Variants in EYA2 observed in about 807,000 individuals in gnomAD.
EYA2 encodes the protein protein phosphatase EYA2.
Under a neutral mutation model 69.2 loss-of-function variants are expected in EYA2, and 31 were observed. The ratio of observed to expected loss-of-function variants is 0.45; its 90% CI spans 0.34 to 0.60. The LOEUF is 0.60. EYA2 is among the 20% of genes least tolerant of loss of function. EYA2 has a pLI of 0.02. For missense variants in EYA2, 622 were observed against 701.2 expected, an observed-to-expected ratio of 0.89 and a Z score of 1.28; for synonymous variants, 257 against 279.4, an observed-to-expected ratio of 0.92 and a Z score of 0.80.
intron 7 of EYA2, among the ~76,000 whole-genome samples, chr20:47,088,486 T>G (rs1044991262): frequency 6.6e-6 from 1 of 152,164 alleles, no homozygotes; most frequent in Non-Finnish European, 1.5e-5. Flanking sequence ...CAGCATCCAG[T>G]GGCCCCTCCC....
At chr20:46,971,494 G>A (rs1031530709) in intron 1 of EYA2, among the ~76,000 whole-genome samples, 4 of 152,172 alleles carry the variant, frequency 2.6e-5, no homozygotes, top group Admixed American at 2.0e-4. Flanking sequence ...TAGTGACTGC[G>A]CTTAGTCACA....
chr20:47,139,678 C>T (rs373985588), intron 9 of EYA2, among the ~76,000 whole-genome samples: 4 of 152,310 alleles, frequency 2.6e-5, no homozygotes, highest in Admixed American at 2.0e-4. Flanking sequence ...GATCTACCCG[C>T]CTCGGCCTCC....
chr20:46,943,817 A>G (rs899002774), intron 1 of EYA2, among the ~76,000 whole-genome samples: 1 of 152,226 alleles, frequency 6.6e-6, no homozygotes, highest in South Asian at 2.1e-4. Flanking sequence ...TCATTTGTGC[A>G]TAATTCATCA....
At chr20:47,107,560 G>T (rs900115329) in intron 9 of EYA2, among the ~76,000 whole-genome samples, 5 of 150,618 alleles carry the variant, frequency 3.3e-5, no homozygotes, top group Admixed American at 6.7e-5. Flanking sequence ...GAAATGCAAG[G>T]CCAGGCATGG....
At chr20:46,924,539 G>A (rs1279346405) in intron 1 of EYA2, among the ~76,000 whole-genome samples, 5 of 152,066 alleles carry the variant, frequency 3.3e-5, no homozygotes, top group Admixed American at 6.5e-5. Context: ...GCGTGGTGGC[G>A]GGCGCCTGTA....
Position 47,041,716 on chromosome 20 carries a change from G to A in EYA2, c.415+25419G>A, listed in dbSNP as rs537892478. Among the ~76,000 whole-genome samples the A allele has an allele frequency of 5.3e-5, 8 of 152,248 alleles. No homozygotes were observed. In the East Asian group the frequency reaches 7.7e-4, roughly 15 times the overall value. Reference sequence around the variant, plus strand: ...AATTAGTGATGCCTGCCATGACCACGGGAGGGGAGTTTTAGGATAGGTGCT... The same window carrying A: ...AATTAGTGATGCCTGCCATGACCACAGGAGGGGAGTTTTAGGATAGGTGCT... On this transcript the variant is annotated intron_variant, in intron 5 of 15. Transcript: ENST00000327619.
intron 5 of EYA2, among the ~76,000 whole-genome samples, chr20:47,032,188 C>T (rs575666964): frequency 2.0e-5 from 3 of 152,330 alleles, no homozygotes; most frequent in East Asian, 3.9e-4. Context: ...ATTTTTGCTG[C>T]TCCTAAAAGT....
chr20:47,042,165 A>G (rs1211623212), intron 5 of EYA2, among the ~76,000 whole-genome samples: 6 of 152,182 alleles, frequency 3.9e-5, no homozygotes, highest in African/African-American at 1.2e-4. Context: ...AATTGCTTAC[A>G]ACTACCATAT....
At chr20:47,082,990 C>T (rs1329543342) in intron 7 of EYA2, among the ~76,000 whole-genome samples, 1 of 152,002 alleles carries the variant, frequency 6.6e-6, no homozygotes, top group Non-Finnish European at 1.5e-5. Flanking sequence ...GGCCAGAAGT[C>T]TGAGACCAGC....
intron 14 of EYA2, among the ~76,000 whole-genome samples, chr20:47,181,271 T>G (rs568963387): frequency 2.0e-5 from 3 of 152,310 alleles, no homozygotes; most frequent in Admixed American, 6.5e-5. Flanking sequence ...TGATCCAGGC[T>G]GGTGGGGTGA....
intron 1 of EYA2, among the ~76,000 whole-genome samples, chr20:46,900,789 T>C (rs1984062868): frequency 6.6e-6 from 1 of 152,240 alleles, no homozygotes; most frequent in Admixed American, 6.5e-5. Flanking sequence ...ATTTTTAGAT[T>C]GTGCAGGCCA....
chr20:46,897,639 G>A (rs989759123), intron 1 of EYA2, among the ~76,000 whole-genome samples: 2 of 152,098 alleles, frequency 1.3e-5, no homozygotes, highest in Admixed American at 6.6e-5. Flanking sequence ...TAATAAAATC[G>A]CAGGCCGTAA....
chr20:47,062,850 C>T (rs932467546), intron 5 of EYA2, among the ~76,000 whole-genome samples: 4 of 152,076 alleles, frequency 2.6e-5, no homozygotes, highest in South Asian at 4.2e-4. Flanking sequence ...CCCTCAACTC[C>T]GGAGTGGGGC....
chr20:47,077,510 C>A (rs1247391606), intron 7 of EYA2, among the ~76,000 whole-genome samples: 1 of 152,144 alleles, frequency 6.6e-6, no homozygotes, highest in East Asian at 1.9e-4. Flanking sequence ...TGGAGACAGT[C>A]ATCAACAAAT....
chr20:47,156,073 CACACATATATATACAT>C (rs1271713749), intron 10 of EYA2, among the ~76,000 whole-genome samples: 2 of 101,008 alleles, frequency 2.0e-5, no homozygotes, highest in Non-Finnish European at 3.8e-5. Context: ...TACACACACA[CACACATATATATACAT>C]ACACACACAC....
chr20:46,954,359 C>T (rs1015460361), intron 1 of EYA2, among the ~76,000 whole-genome samples: 2 of 150,816 alleles, frequency 1.3e-5, no homozygotes, highest in African/African-American at 5.0e-5. Flanking sequence ...AGAAGGGAAA[C>T]AGACAGGGAG....
Position 47,072,259 on chromosome 20 carries a change from A to T in EYA2, c.483+7A>T. 1 of 1,608,992 alleles carries T rather than the reference A, an allele frequency of 6.2e-7. No individual in the cohort carries two copies. The highest frequency in any genetic ancestry group is 8.5e-7 in the Non-Finnish European group (1 of 1,177,188). On this transcript the variant is annotated splice_region_variant and intron_variant, in intron 6 of 15. Transcript: ENST00000327619. Reference sequence around the variant, plus strand: ...TTTCGGGAGTGTGCACCAGGTAGACATGGCTCCCTCCCGATTCTTTCCTCA... The same window carrying T: ...TTTCGGGAGTGTGCACCAGGTAGACTTGGCTCCCTCCCGATTCTTTCCTCA...
At chr20:47,130,528 G>A (rs2033317326) in intron 9 of EYA2, among the ~76,000 whole-genome samples, 2 of 151,994 alleles carry the variant, frequency 1.3e-5, no homozygotes, top group South Asian at 4.2e-4. Flanking sequence ...GCCTCCCAAA[G>A]TGCTGGGATT....
intron 1 of EYA2, among the ~76,000 whole-genome samples, chr20:46,965,690 G>A (rs948868829): frequency 3.3e-5 from 5 of 152,252 alleles, no homozygotes; most frequent in South Asian, 2.1e-4. Context: ...CCTCCTAGAC[G>A]CTCTGAGTCT....
Sources: allele counts gnomAD v4.1 joint callset (sites outside exome capture counted in the v4.1 genomes callset), GRCh38; gene constraint gnomAD v4.1.1; transcripts MANE v1.5; gene names NCBI Gene and HGNC (gene_info 2026-07-23, HGNC 2026-07-21).